TENM4: variants seen among roughly 807,000 people sequenced by gnomAD.
TENM4 encodes the protein teneurin-4.
TENM4 carries 82 observed loss-of-function variants against 243.3 expected under a neutral mutation model. The ratio of observed to expected loss-of-function variants is 0.34; its 90% CI spans 0.28 to 0.40. TENM4 has a LOEUF of 0.40. Ranked by LOEUF, TENM4 falls within the 10% of genes least tolerant of loss-of-function variation. The pLI is 1.00. For missense variants in TENM4, 3,138 were observed against 3,673.3 expected, an observed-to-expected ratio of 0.85 and a Z score of 3.77; for synonymous variants, 1,412 against 1,456.3, an observed-to-expected ratio of 0.97 and a Z score of 0.69.
chr11:78,785,218 G>A (rs1261558678), intron 16 of TENM4, among the ~76,000 whole-genome samples: 1 of 152,144 alleles, frequency 6.6e-6, no homozygotes, highest in Non-Finnish European at 1.5e-5. Context: ...TTCTCACTAA[G>A]GGGTTTCCAG....
At position 78,658,444 on chromosome 11, in the gene TENM4, C is replaced by T; in HGVS notation, c.7924G>A (p.Glu2642Lys). The T allele has an allele frequency of 6.2e-7, 1 of 1,614,034 alleles. No individual in the cohort carries two copies. The highest frequency in any genetic ancestry group is 8.5e-7 in the Non-Finnish European group (1 of 1,179,904). The change falls in exon 34 of 34, where the codon GAG becomes AAG. Residue 2642 changes from glutamate to lysine, a missense_variant. Physicochemically the swap from Glu to Lys is moderately conservative, Grantham distance 56. Transcript: ENST00000278550. Reference sequence around the variant, plus strand: ...GACACAGTGACGTTGACCCCATTCTCCAGGGTTCGCCGCCCCCCACTGAGG... The same window carrying T: ...GACACAGTGACGTTGACCCCATTCTTCAGGGTTCGCCGCCCCCCACTGAGG... ...LGLSGGRRTL[E>K]NGVNVTVSQI...
At chr11:79,410,267 CT>C (rs1408775817) in intron 1 of TENM4, among the ~76,000 whole-genome samples, 1 of 152,142 alleles carries the variant, frequency 6.6e-6, no homozygotes, top group Non-Finnish European at 1.5e-5. Context: ...TTTCTCAGGG[CT>C]TTAGGAAGAA....
chr11:79,164,140 T>TACA (rs1862841490), intron 3 of TENM4, among the ~76,000 whole-genome samples: 2 of 121,534 alleles, frequency 1.6e-5, no homozygotes, highest in Non-Finnish European at 3.2e-5. Context: ...ATAGTATATA[T>TACA]GTATATATAC....
chr11:79,371,737 A>C (rs1857790870), intron 1 of TENM4, among the ~76,000 whole-genome samples: 1 of 152,214 alleles, frequency 6.6e-6, no homozygotes, highest in Non-Finnish European at 1.5e-5. Flanking sequence ...TCTGTTGTTA[A>C]TATGATAATT....
At chr11:79,357,058 C>T (rs1857508974) in intron 1 of TENM4, among the ~76,000 whole-genome samples, 1 of 152,180 alleles carries the variant, frequency 6.6e-6, no homozygotes, top group Non-Finnish European at 1.5e-5. Context: ...TCTCTTCTTT[C>T]ACTCTGCCCC....
At chr11:79,131,636 A>C (rs112432617) in intron 4 of TENM4, among the ~76,000 whole-genome samples, 2 of 152,200 alleles carry the variant, frequency 1.3e-5, no homozygotes, top group Non-Finnish European at 2.9e-5. Context: ...AAGCAAAAAC[A>C]AAAAACAAAG....
chr11:79,282,904 T>C (rs988565118), intron 2 of TENM4, among the ~76,000 whole-genome samples: 7 of 152,182 alleles, frequency 4.6e-5, no homozygotes, highest in African/African-American at 1.7e-4. Context: ...CCTGGCATAA[T>C]GGCCAGAGAC....
chr11:78,869,910 G>A (rs2136238929), intron 9 of TENM4, among the ~76,000 whole-genome samples: 1 of 152,300 alleles, frequency 6.6e-6, no homozygotes, highest in Non-Finnish European at 1.5e-5. Flanking sequence ...CAGGGACAAA[G>A]CATGGGCCCC....
Position 79,061,645 on chromosome 11 carries a change from C to T in TENM4, c.493+3093G>A, listed in dbSNP as rs551073484. ...AAGTGTGCACCTCTTTCTGTCATGA[C>T]TTTATGTTAAGTGATCATTTGTCAC... On this transcript the variant is annotated intron_variant, in intron 6 of 33. Coordinates refer to ENST00000278550, the MANE Select transcript of TENM4 (RefSeq NM_001098816.3). Among the ~76,000 whole-genome samples, 11 of 152,248 alleles carry T rather than the reference C, an allele frequency of 7.2e-5. No homozygotes were observed. The South Asian group carries it at 1.5e-3, about 20-fold the overall frequency.
intron 28 of TENM4, among the ~76,000 whole-genome samples, chr11:78,690,692 C>T (rs1328845524): frequency 6.6e-6 from 1 of 152,090 alleles, no homozygotes; most frequent in African/African-American, 2.4e-5. Context: ...AAAATCAAGA[C>T]CCCCAAAACT....
chr11:79,206,204 C>T (rs1282908742), intron 3 of TENM4, among the ~76,000 whole-genome samples: 2 of 152,178 alleles, frequency 1.3e-5, no homozygotes, highest in African/African-American at 4.8e-5. Context: ...GTCAGGACAT[C>T]TAGAAATGCC....
At chr11:79,301,554 G>T (rs961667036) in intron 1 of TENM4, among the ~76,000 whole-genome samples, 1 of 152,156 alleles carries the variant, frequency 6.6e-6, no homozygotes, top group Non-Finnish European at 1.5e-5. Flanking sequence ...TCTCACAACT[G>T]TACTTAAGCA....
chr11:79,065,058 G>T, intron 5 of TENM4, 51 bp from the exon 6 acceptor site: 1 of 1,437,364 alleles, frequency 7.0e-7, no homozygotes, highest in African/African-American at 1.4e-5. Flanking sequence ...TGAGGTCTGC[G>T]TCTGCCTCTG....
At chr11:79,217,231 G>T (rs1327390113) in intron 2 of TENM4, among the ~76,000 whole-genome samples, 1 of 152,100 alleles carries the variant, frequency 6.6e-6, no homozygotes, top group African/African-American at 2.4e-5. Context: ...TTTGCCTCAG[G>T]TCATTCCAAG....
chr11:79,348,464 G>C (rs993880106), intron 1 of TENM4, among the ~76,000 whole-genome samples: 13 of 152,286 alleles, frequency 8.5e-5, no homozygotes, highest in Middle Eastern at 3.4e-3. Context: ...TCTATCACTT[G>C]CTAGCTATGC....
At chr11:79,311,053 C>T (rs942200483) in intron 1 of TENM4, among the ~76,000 whole-genome samples, 1 of 152,176 alleles carries the variant, frequency 6.6e-6, no homozygotes, top group African/African-American at 2.4e-5. Flanking sequence ...CAGCCTAATA[C>T]TAACGATTCA....
Position 79,282,928 on chromosome 11 carries a change from C to T in TENM4, c.-265+14560G>A, listed in dbSNP as rs913156221. 6.6e-5 allele frequency among the ~76,000 whole-genome samples: 10 copies of T among 152,206 alleles called. No homozygotes were observed. The East Asian group carries it at 1.4e-3, about 21-fold the overall frequency. ...ATGGCCAGAGACTCACTGCCCTGCCCGTAAGGAAATTTTCAGGCTTCACTG... is the reference window on the plus strand; with the variant it reads ...ATGGCCAGAGACTCACTGCCCTGCCTGTAAGGAAATTTTCAGGCTTCACTG... On this transcript the variant is annotated intron_variant, in intron 2 of 33. Transcript: ENST00000278550.
chr11:79,080,281 C>T (rs1266214512), intron 4 of TENM4, among the ~76,000 whole-genome samples: 3 of 152,172 alleles, frequency 2.0e-5, no homozygotes, highest in South Asian at 2.1e-4. Flanking sequence ...GGGGTTGGAG[C>T]GGATGCAGTC....
At chr11:79,014,190 A>G (rs1565167503) in intron 6 of TENM4, among the ~76,000 whole-genome samples, 3 of 152,170 alleles carry the variant, frequency 2.0e-5, no homozygotes, top group Non-Finnish European at 4.4e-5. Flanking sequence ...TTCGACTATA[A>G]CAAAAAGCTG....
Sources: allele counts gnomAD v4.1 joint callset (sites outside exome capture counted in the v4.1 genomes callset), GRCh38; gene constraint gnomAD v4.1.1; transcripts MANE v1.5; gene names NCBI Gene and HGNC (gene_info 2026-07-23, HGNC 2026-07-21).